Variants in KCNMA1 observed in about 807,000 individuals in gnomAD.
KCNMA1 encodes the protein potassium calcium-activated channel subfamily M alpha 1.
In KCNMA1, 29 loss-of-function variants were observed where a neutral mutation model predicts 140.0. The observed-to-expected ratio is 0.21, with a 90% CI of 0.15 to 0.28. The LOEUF (loss-of-function observed/expected upper bound fraction) is 0.28, where lower values mean the gene tolerates loss of function less well. Ranked by LOEUF, KCNMA1 falls within the 10% of genes least tolerant of loss-of-function variation. KCNMA1 has a pLI of 1.00. For missense variants in KCNMA1, 880 were observed against 1,602.2 expected (o/e 0.55, Z 7.70); for synonymous variants, 612 against 611.9 (o/e 1.00, Z 0.00).
intron 1 of KCNMA1, among the ~76,000 whole-genome samples, chr10:77,507,198 C>T (rs2046450985): frequency 6.6e-6 from 1 of 152,208 alleles, no homozygotes; most frequent in Non-Finnish European, 1.5e-5. Flanking sequence ...AAAATACAAA[C>T]AGCTCTATGG....
At chr10:77,285,537 A>G (rs1416808285) in intron 2 of KCNMA1, among the ~76,000 whole-genome samples, 1 of 152,132 alleles carries the variant, frequency 6.6e-6, no homozygotes, top group Non-Finnish European at 1.5e-5. Context: ...TAGGGATGGC[A>G]TATGGGACTC....
In KCNMA1 at chr10:76,886,798, CAT is replaced by C. The variant is rs2037184988; in HGVS notation, c.*466_*467del. 1.9e-6 allele frequency: 2 copies of C among 1,032,354 alleles called. No homozygotes were observed. The highest frequency in any genetic ancestry group is 2.3e-6 in the Non-Finnish European group (2 of 857,666). The allele number at this position is 1,032,354 out of a possible 1,614,324, so 63.9% of individuals were successfully genotyped here. ...TGTTTGGTTGCTTGTTTCAAATAAA[CAT>C]GTGCTAACTTATTGTGTGTATAAAA... is the stretch of plus-strand genomic sequence containing the variant. On this transcript the variant is annotated 3_prime_UTR_variant, in exon 28 of 28. Transcript: ENST00000286628.
At chr10:77,271,499 T>C (rs1727298039) in intron 2 of KCNMA1, among the ~76,000 whole-genome samples, 1 of 152,136 alleles carries the variant, frequency 6.6e-6, no homozygotes, top group African/African-American at 2.4e-5. Context: ...AGCAGGTAAC[T>C]CTCAAGGCTC....
chr10:76,894,104 A>C (rs565403726), intron 25 of KCNMA1, among the ~76,000 whole-genome samples: 4 of 152,358 alleles, frequency 2.6e-5, no homozygotes, highest in African/African-American at 9.6e-5. Context: ...ATAGTAATCA[A>C]GATAGTAATG....
intron 1 of KCNMA1, among the ~76,000 whole-genome samples, chr10:77,543,707 T>C (rs1404438841): frequency 6.6e-6 from 1 of 152,146 alleles, no homozygotes; most frequent in Non-Finnish European, 1.5e-5. Flanking sequence ...AGAATACAAC[T>C]GGAAATTGAA....
intron 3 of KCNMA1, among the ~76,000 whole-genome samples, chr10:77,214,352 G>A (rs1170214204): frequency 6.6e-6 from 1 of 152,102 alleles, no homozygotes; most frequent in Non-Finnish European, 1.5e-5. Flanking sequence ...AAAAGAATCA[G>A]GCCAGTTACA....
At chr10:77,371,062 C>T (rs2094669219) in intron 2 of KCNMA1, among the ~76,000 whole-genome samples, 1 of 152,216 alleles carries the variant, frequency 6.6e-6, no homozygotes, top group African/African-American at 2.4e-5. Flanking sequence ...CCCTTCCTCT[C>T]ATCAGAAATA....
chr10:77,466,637 G>A (rs1045492653), intron 1 of KCNMA1, among the ~76,000 whole-genome samples: 1 of 152,174 alleles, frequency 6.6e-6, no homozygotes, highest in Non-Finnish European at 1.5e-5. Flanking sequence ...AACCATTGAA[G>A]GCTTCAATAG....
intron 19 of KCNMA1, among the ~76,000 whole-genome samples, chr10:76,999,102 C>T (rs542859340): frequency 3.0e-4 from 46 of 152,356 alleles, no homozygotes; most frequent in African/African-American, 1.1e-3. Context: ...GACAACATGC[C>T]ACTCACAGAA....
intron 1 of KCNMA1, among the ~76,000 whole-genome samples, chr10:77,481,394 T>C (rs887270412): frequency 7.9e-5 from 12 of 152,122 alleles, no homozygotes; most frequent in Non-Finnish European, 1.8e-4. Flanking sequence ...TCCAAAATCA[T>C]ACCTTTCCAA....
intron 4 of KCNMA1, among the ~76,000 whole-genome samples, chr10:77,184,062 TCACACA>T (rs3068684): frequency 8.1e-5 from 12 of 148,010 alleles, no homozygotes; most frequent in African/African-American, 1.5e-4. Flanking sequence ...ATGTACGCAT[TCACACA>T]CACACACACA....
rs141200904 is a variant in KCNMA1 at position 77,366,461 on chromosome 10, G to A, written c.540+37401C>T. Among the ~76,000 whole-genome samples the A allele has an allele frequency of 2.2e-3, 329 of 152,244 alleles. 3 individuals carry two copies. The highest frequency in any genetic ancestry group is 7.5e-3 in the African/African-American group (312 of 41,542). The stretch of plus-strand genomic sequence containing the variant: ...TGGGATTACAGGCATGAGCCACCAC[G>A]CCCGGCCACATGTGCTTTTTAACAT... On this transcript the variant is annotated intron_variant, in intron 2 of 27. Transcript: ENST00000286628.
intron 3 of KCNMA1, among the ~76,000 whole-genome samples, chr10:77,221,476 G>A (rs1216344294): frequency 6.6e-6 from 1 of 152,126 alleles, no homozygotes; most frequent in Non-Finnish European, 1.5e-5. Context: ...GATAGCACAA[G>A]AGGGTGACTA....
At chr10:77,323,229 G>C (rs145067247) in intron 2 of KCNMA1, among the ~76,000 whole-genome samples, 1 of 152,308 alleles carries the variant, frequency 6.6e-6, no homozygotes, top group African/African-American at 2.4e-5. Flanking sequence ...ACATCTGATG[G>C]AAGGCAAAGG....
intron 2 of KCNMA1, among the ~76,000 whole-genome samples, chr10:77,338,828 C>T (rs1188846930): frequency 6.6e-6 from 1 of 152,192 alleles, no homozygotes; most frequent in African/African-American, 2.4e-5. Context: ...AGATCTAAAG[C>T]CCCTGTCTTG....
At chr10:77,092,420 C>A (rs2096837812) in intron 9 of KCNMA1, among the ~76,000 whole-genome samples, 1 of 152,194 alleles carries the variant, frequency 6.6e-6, no homozygotes, top group Admixed American at 6.5e-5. Flanking sequence ...GACCTAACTT[C>A]CTTGCAACTG....
chr10:77,072,605 G>A lies in KCNMA1; in HGVS notation c.1749+492C>T, dbSNP rs1313604681. Reference sequence around the variant, plus strand: ...TTTCGCTCTCCATTCAAACAACCGCGGCATGTCAGTCCTGCTGGCCTCCTT... The same window carrying A: ...TTTCGCTCTCCATTCAAACAACCGCAGCATGTCAGTCCTGCTGGCCTCCTT... On this transcript the variant is annotated intron_variant, in intron 14 of 27. Coordinates refer to ENST00000286628, the MANE Select transcript of KCNMA1 (RefSeq NM_001161352.2). Among the ~76,000 whole-genome samples, 18 of 152,158 alleles carry A rather than the reference G, an allele frequency of 1.2e-4. No individual in the cohort carries two copies. In the South Asian group the frequency reaches 1.2e-3, roughly 11 times the overall value.
chr10:76,951,198 C>T (rs77607532), intron 21 of KCNMA1, among the ~76,000 whole-genome samples: 2,421 of 152,238 alleles, frequency 0.016, 70 homozygotes, highest in African/African-American at 0.056. Flanking sequence ...CCAGGAACTT[C>T]GATCTGGGAT....
At chr10:77,330,517 G>C (rs780448401) in intron 2 of KCNMA1, among the ~76,000 whole-genome samples, 1 of 152,164 alleles carries the variant, frequency 6.6e-6, no homozygotes, top group Non-Finnish European at 1.5e-5. Context: ...ACAAACAATG[G>C]CAATGACCCC....
Sources: gnomAD v4.1 joint callset for allele counts (sites outside exome capture counted in the v4.1 genomes callset) on GRCh38, gnomAD v4.1.1 for gene constraint, MANE v1.5 for transcripts, NCBI Gene and HGNC (gene_info 2026-07-23, HGNC 2026-07-21) for gene names.